ATP11C: variants seen among roughly 807,000 people sequenced by gnomAD.
ATP11C encodes the protein ATPase phospholipid transporting 11C (ATP11C blood group).
Under a neutral mutation model 97.4 loss-of-function variants are expected in ATP11C, and 36 were observed. That is an observed-to-expected ratio of 0.37 (90% CI 0.28 to 0.49). The LOEUF (loss-of-function observed/expected upper bound fraction) is 0.49, where lower values mean the gene tolerates loss of function less well. Among genes scored for constraint, ATP11C ranks in the 20% least tolerant of loss-of-function variants. ATP11C has a pLI of 0.98. For synonymous variants in ATP11C, 275 were observed against 290.9 expected, an observed-to-expected ratio of 0.95 and a Z score of 0.56; for missense variants, 730 against 824.6, an observed-to-expected ratio of 0.89 and a Z score of 1.40.
intron 1 of ATP11C, among the ~76,000 whole-genome samples, chrX:139,897,827 G>A (rs1488472766): frequency 9.1e-6 from 1 of 110,037 alleles, no homozygotes; most frequent in East Asian, 2.8e-4. Flanking sequence ...CAGCTACTCA[G>A]GAGGCTGAGG....
intron 28 of ATP11C, among the ~76,000 whole-genome samples, chrX:139,734,579 G>A (rs1331075731): frequency 9.0e-6 from 1 of 111,531 alleles, no homozygotes; most frequent in East Asian, 2.9e-4. Context: ...TTTACAGACA[G>A]CCAATGACTG....
intron 2 of ATP11C, among the ~76,000 whole-genome samples, chrX:139,820,189 C>T (rs1263678326): frequency 7.5e-5 from 7 of 93,058 alleles, no homozygotes; most frequent in African/African-American, 2.6e-4. Context: ...GAGACTCCGT[C>T]GCCAAAAAAA....
chrX:139,819,489 A>G, intron 2 of ATP11C, 62 bp from the exon 3 acceptor site: 1 of 436,429 alleles, frequency 2.3e-6, no homozygotes, highest in Non-Finnish European at 3.8e-6. Flanking sequence ...CTTAATAGTA[A>G]TGACTGATTA....
chrX:139,853,029 G>A (rs1306135034), intron 1 of ATP11C, among the ~76,000 whole-genome samples: 4 of 111,298 alleles, frequency 3.6e-5, no homozygotes, highest in Non-Finnish European at 7.6e-5. Flanking sequence ...TTCTGAGACA[G>A]GCAAAGCGAG....
intron 1 of ATP11C, among the ~76,000 whole-genome samples, chrX:139,891,866 AT>A (rs996980994): frequency 2.3e-4 from 25 of 110,538 alleles, no homozygotes; most frequent in Admixed American, 6.8e-4. Context: ...CCCCTAATTA[AT>A]TTTTTTTAAG....
intron 2 of ATP11C, among the ~76,000 whole-genome samples, chrX:139,824,815 G>T (rs975307060): frequency 8.9e-6 from 1 of 111,953 alleles, no homozygotes. Context: ...AAACAAAAGC[G>T]GCATCCAATT....
chrX:139,906,972 C>T (rs755520367), intron 1 of ATP11C, among the ~76,000 whole-genome samples: 1 of 111,185 alleles, frequency 9.0e-6, no homozygotes, highest in East Asian at 2.8e-4. Flanking sequence ...CATAACAACC[C>T]AAAATGGTAT....
chrX:139,872,703 T>C (rs1463308122), intron 1 of ATP11C, among the ~76,000 whole-genome samples: 1 of 111,393 alleles, frequency 9.0e-6, no homozygotes, highest in Non-Finnish European at 1.9e-5. Flanking sequence ...CTGTAGGCAA[T>C]TCAACTTAAA....
At chrX:139,868,664 T>C (rs1341263923) in intron 1 of ATP11C, among the ~76,000 whole-genome samples, 44 of 107,630 alleles carry the variant, frequency 4.1e-4, no homozygotes, top group African/African-American at 1.4e-3. Flanking sequence ...GAGGTGGAAG[T>C]TGCAGTGAGC....
At chrX:139,877,226 CT>C (rs1277593518) in intron 1 of ATP11C, among the ~76,000 whole-genome samples, 2 of 112,159 alleles carry the variant, frequency 1.8e-5, no homozygotes, top group African/African-American at 6.5e-5. Flanking sequence ...TGCTGCTGTT[CT>C]TCTGCTTAAT....
chrX:139,912,493 A>G (rs1246770195), intron 1 of ATP11C, among the ~76,000 whole-genome samples: 1 of 110,905 alleles, frequency 9.0e-6, no homozygotes, highest in Non-Finnish European at 1.9e-5. Flanking sequence ...TTTGCATAGA[A>G]TATTACATTT....
intron 23 of ATP11C, among the ~76,000 whole-genome samples, chrX:139,750,682 G>A (rs2081794595): frequency 8.9e-6 from 1 of 111,777 alleles, no homozygotes; most frequent in Non-Finnish European, 1.9e-5. Context: ...TTCCTGAACT[G>A]AGTAATAAAC....
intron 19 of ATP11C, among the ~76,000 whole-genome samples, chrX:139,769,781 G>A (rs1332714568): frequency 4.5e-5 from 5 of 110,995 alleles, no homozygotes; most frequent in Non-Finnish European, 9.4e-5. Flanking sequence ...AAAGTTTAAC[G>A]TGCAAAGGAA....
intron 1 of ATP11C, among the ~76,000 whole-genome samples, chrX:139,853,277 G>C (rs766897410): frequency 9.1e-6 from 1 of 109,788 alleles, no homozygotes; most frequent in South Asian, 4.0e-4. Flanking sequence ...CCAGCAGAGA[G>C]AGAGAGACAG....
chrX:139,816,176 C>G (rs2083284802), intron 4 of ATP11C, among the ~76,000 whole-genome samples: 1 of 111,621 alleles, frequency 9.0e-6, no homozygotes, highest in Non-Finnish European at 1.9e-5. Flanking sequence ...GTTTTGCAAG[C>G]TTCTTTGGTA....
intron 1 of ATP11C, among the ~76,000 whole-genome samples, chrX:139,871,044 CAG>C (rs1198217172): frequency 1.5e-5 from 1 of 66,993 alleles, no homozygotes; most frequent in Non-Finnish European, 2.5e-5. Flanking sequence ...ACCTGGGCGA[CAG>C]AGCGAGACTC....
intron 1 of ATP11C, among the ~76,000 whole-genome samples, chrX:139,878,946 C>CA (rs758215737): frequency 1.3e-4 from 14 of 110,049 alleles, no homozygotes; most frequent in Non-Finnish European, 2.5e-4. Context: ...CTCTGTCCTA[C>CA]AAAAAAATAC....
intron 1 of ATP11C, among the ~76,000 whole-genome samples, chrX:139,842,179 C>T (rs1245743231): frequency 8.9e-6 from 1 of 112,391 alleles, no homozygotes; most frequent in Non-Finnish European, 1.9e-5. Flanking sequence ...CTACAGGCAC[C>T]CGCCACCACA....
At chrX:139,740,053 C>T (rs1364288596) in intron 27 of ATP11C, among the ~76,000 whole-genome samples, 1 of 111,210 alleles carries the variant, frequency 9.0e-6, no homozygotes, top group African/African-American at 3.3e-5. Flanking sequence ...ACTCAAGGGA[C>T]ATAAACATAA....
Sources: allele counts gnomAD v4.1 joint callset (sites outside exome capture counted in the v4.1 genomes callset), GRCh38; gene constraint gnomAD v4.1.1; transcripts MANE v1.5; gene names NCBI Gene and HGNC (gene_info 2026-07-23, HGNC 2026-07-21).